Variants in L3MBTL4 observed in about 807,000 individuals in gnomAD.
L3MBTL4 encodes L3MBTL histone methyl-lysine binding protein 4, also known as lethal(3)malignant brain tumor-like protein 4.
In L3MBTL4, 70 loss-of-function variants were observed where a neutral mutation model predicts 84.5. That is an observed-to-expected ratio of 0.83 (90% confidence interval 0.68 to 1.01). The LOEUF (loss-of-function observed/expected upper bound fraction) is 1.01, where lower values mean the gene tolerates loss of function less well. L3MBTL4 is among the 50% of genes least tolerant of loss of function. The pLI is 0.00. For synonymous variants in L3MBTL4, 274 were observed against 259.8 expected (o/e 1.05, Z -0.52); for missense variants, 715 against 754.8 (o/e 0.95, Z 0.62).
chr18:5,996,206 C>T (rs1257705233), intron 16 of L3MBTL4, among the ~76,000 whole-genome samples: 1 of 152,134 alleles, frequency 6.6e-6, no homozygotes, highest in Non-Finnish European at 1.5e-5. Flanking sequence ...ATGTTAACAT[C>T]GTTCTGGAAC....
intron 12 of L3MBTL4, among the ~76,000 whole-genome samples, chr18:6,193,419 G>A (rs761814199): frequency 1.1e-4 from 17 of 152,188 alleles, no homozygotes; most frequent in African/African-American, 3.9e-4. Context: ...AAATAACCAC[G>A]AGGAGCAAAG....
chr18:6,104,253 C>T (rs144780652), intron 14 of L3MBTL4, among the ~76,000 whole-genome samples: 1,727 of 151,962 alleles, frequency 0.011, 27 homozygotes, highest in African/African-American at 0.035. Context: ...GAAATGAGCA[C>T]GTCAAAGAGA....
intron 10 of L3MBTL4, among the ~76,000 whole-genome samples, chr18:6,222,076 T>G (rs953797905): frequency 2.6e-5 from 4 of 152,236 alleles, no homozygotes; most frequent in Admixed American, 1.3e-4. Context: ...TCACCCTTTA[T>G]TGTTTCAAAA....
chr18:6,025,643 G>A (rs962641616), intron 16 of L3MBTL4, among the ~76,000 whole-genome samples: 37 of 152,252 alleles, frequency 2.4e-4, no homozygotes, highest in African/African-American at 7.9e-4. Context: ...GACCAGATTC[G>A]TGGAAGACAT....
chr18:5,988,245 A>C (rs1213154026), intron 16 of L3MBTL4, among the ~76,000 whole-genome samples: 1 of 152,224 alleles, frequency 6.6e-6, no homozygotes, highest in Non-Finnish European at 1.5e-5. Context: ...GAATACTTCT[A>C]TGTCATACAC....
At chr18:6,019,331 G>C (rs2055142500) in intron 16 of L3MBTL4, among the ~76,000 whole-genome samples, 1 of 152,180 alleles carries the variant, frequency 6.6e-6, no homozygotes, top group Non-Finnish European at 1.5e-5. Context: ...AAGACTTTTT[G>C]TGTAAGGACT....
chr18:6,016,242 C>T (rs1484769570), intron 16 of L3MBTL4, among the ~76,000 whole-genome samples: 2 of 152,124 alleles, frequency 1.3e-5, no homozygotes, highest in African/African-American at 4.8e-5. Context: ...CGGATGGAGC[C>T]TTTGGAAGGG....
chr18:6,193,918 A>G (rs2045252285), intron 12 of L3MBTL4, among the ~76,000 whole-genome samples: 1 of 152,190 alleles, frequency 6.6e-6, no homozygotes, highest in African/African-American at 2.4e-5. Context: ...AGCAGGACAA[A>G]TGAGTCTTCC....
intron 16 of L3MBTL4, among the ~76,000 whole-genome samples, chr18:5,974,594 G>A (rs1176964020): frequency 6.6e-6 from 1 of 152,206 alleles, no homozygotes; most frequent in Non-Finnish European, 1.5e-5. Flanking sequence ...ACCTAGGGCT[G>A]CCTTTCCAGT....
In L3MBTL4 at chr18:6,414,469, T is replaced by G. The variant is rs903447180; in HGVS notation, c.-91+332A>C. ...CTGCGCTGGCTCCAGGGCGCCCAGG[T>G]AGCCGCGCCTGGCACCCCGACCCTG... On this transcript the variant is annotated intron_variant, in intron 1 of 18. Transcript: ENST00000317931. This position sits in a 1 kb window ranked among gnomAD's most constrained non-coding sequence, Gnocchi z 5.4. 2.0e-5 allele frequency among the ~76,000 whole-genome samples: 3 copies of G among 152,010 alleles called. No homozygotes were observed. The highest frequency in any genetic ancestry group is 7.2e-5 in the African/African-American group (3 of 41,418).
At chr18:6,348,752 TAAGA>T (rs1478317015) in intron 1 of L3MBTL4, among the ~76,000 whole-genome samples, 1 of 152,190 alleles carries the variant, frequency 6.6e-6, no homozygotes, top group Non-Finnish European at 1.5e-5. Context: ...GAGGCTCCAT[TAAGA>T]AAGTGAAAAG....
At position 6,244,487 on chromosome 18, in the gene L3MBTL4, C is replaced by A; in HGVS notation, c.321G>T (p.Ala107=). ...HPSVFCVLSV[A]EVCGYRLRLH... is the part of the protein sequence containing the mutation. ...AGACAGTAACACCACCTCTTACCTC[C>A]GCTACAGAAAGCACACAGAATACCG... The change falls in exon 6 of 19, where the codon GCG becomes GCT. Residue 107 remains alanine (A), a synonymous_variant. Transcript: ENST00000317931. The A allele has an allele frequency of 1.9e-6, 3 of 1,604,612 alleles. No homozygotes were observed. The highest frequency in any genetic ancestry group is 2.6e-6 in the Non-Finnish European group (3 of 1,171,492).
At chr18:6,148,071 G>A (rs964580240) in intron 13 of L3MBTL4, among the ~76,000 whole-genome samples, 1 of 152,168 alleles carries the variant, frequency 6.6e-6, no homozygotes, top group African/African-American at 2.4e-5. Flanking sequence ...GAGATCTGGT[G>A]TGTATTGGTA....
At chr18:6,326,193 G>A (rs2051707316) in intron 1 of L3MBTL4, among the ~76,000 whole-genome samples, 1 of 152,150 alleles carries the variant, frequency 6.6e-6, no homozygotes, top group Non-Finnish European at 1.5e-5. Context: ...TCTGAGCAGA[G>A]ACAAAATACG....
At position 5,979,846 on chromosome 18, in the gene L3MBTL4, A is replaced by C. The variant is rs370376003; in HGVS notation, c.1445-10284T>G. 7.2e-5 allele frequency among the ~76,000 whole-genome samples: 11 copies of C among 152,330 alleles called. No homozygotes were observed. In the East Asian group the frequency reaches 1.9e-3, roughly 27 times the overall value. ...GGTCCCTGGAGGTATTGTCAGATTT[A>C]TCTCAAAATAAACATTGCTTCCAGG... is the stretch of plus-strand genomic sequence containing the variant. On this transcript the variant is annotated intron_variant, in intron 16 of 18. Coordinates refer to ENST00000317931, the MANE Select transcript of L3MBTL4 (RefSeq NM_001330559.2).
chr18:6,039,924 C>A (rs1177467913), intron 16 of L3MBTL4, among the ~76,000 whole-genome samples: 1 of 152,138 alleles, frequency 6.6e-6, no homozygotes, highest in Non-Finnish European at 1.5e-5. Flanking sequence ...ACACAATGTT[C>A]ATTAGCTTAA....
intron 16 of L3MBTL4, among the ~76,000 whole-genome samples, chr18:6,047,380 G>A (rs190894848): frequency 1.8e-4 from 27 of 152,220 alleles, no homozygotes; most frequent in African/African-American, 6.3e-4. Flanking sequence ...AGGAGAGACT[G>A]ACTCCTCCCT....
At chr18:6,037,624 C>G (rs186323192) in intron 16 of L3MBTL4, among the ~76,000 whole-genome samples, 1 of 152,224 alleles carries the variant, frequency 6.6e-6, no homozygotes, top group Admixed American at 6.5e-5. Flanking sequence ...CTGTAAATCT[C>G]GGGTTAAATT....
In L3MBTL4 at chr18:6,064,977, C is replaced by A. The variant is rs950725020; in HGVS notation, c.1444+15904G>T. Among the ~76,000 whole-genome samples the A allele has an allele frequency of 2.6e-5, 4 of 151,842 alleles. No homozygotes were observed. The East Asian group carries it at 7.7e-4, about 29-fold the overall frequency. On this transcript the variant is annotated intron_variant, in intron 16 of 18. Transcript: ENST00000317931. ...CTCTTCGCCATTCAGCGTAATGTTG[C>A]CTGTGGGTTTACCTTATATGGCTTT...
Sources: allele counts gnomAD v4.1 joint callset (sites outside exome capture counted in the v4.1 genomes callset), GRCh38; gene constraint gnomAD v4.1.1; non-coding constraint Gnocchi (gnomAD v3.1); transcripts MANE v1.5; gene names NCBI Gene and HGNC (gene_info 2026-07-23, HGNC 2026-07-21).